GMDS: variants seen among roughly 807,000 people sequenced by gnomAD.
GMDS encodes GDP-mannose 4,6 dehydratase.
A neutral mutation model predicts 49.9 loss-of-function variants in GMDS; 20 were observed. The ratio of observed to expected loss-of-function variants is 0.40; its 90% CI spans 0.28 to 0.58. The LOEUF (loss-of-function observed/expected upper bound fraction) is 0.58. Ranked by LOEUF, GMDS falls within the 20% of genes least tolerant of loss-of-function variation. The pLI, the probability that GMDS is intolerant of heterozygous loss-of-function variation, is 0.42. For missense variants in GMDS, 362 were observed against 481.4 expected (o/e 0.75, Z 2.32); for synonymous variants, 177 against 178.6 (o/e 0.99, Z 0.07).
At chr6:2,147,574 T>C (rs1776625347) in intron 1 of GMDS, among the ~76,000 whole-genome samples, 1 of 151,960 alleles carries the variant, frequency 6.6e-6, no homozygotes, top group Non-Finnish European at 1.5e-5. Flanking sequence ...CGTTAAGACA[T>C]TGGAAACCTC....
At chr6:2,120,600 C>A (rs1206650157) in intron 2 of GMDS, among the ~76,000 whole-genome samples, 5 of 152,076 alleles carry the variant, frequency 3.3e-5, no homozygotes, top group Non-Finnish European at 7.4e-5. Context: ...TTCATATAGT[C>A]CCAGATTTTA....
intron 1 of GMDS, chr6:2,176,000 T>A: frequency 6.5e-7 from 1 of 1,534,812 alleles, no homozygotes; most frequent in East Asian, 2.4e-5. Context: ...CAAAACTGGA[T>A]CACACAAAAG....
intron 1 of GMDS, among the ~76,000 whole-genome samples, chr6:2,166,550 A>G (rs1243739779): frequency 1.3e-5 from 2 of 152,228 alleles, no homozygotes; most frequent in African/African-American, 4.8e-5. Flanking sequence ...TGAACCCTAG[A>G]ACCTTATTCA....
intron 7 of GMDS, among the ~76,000 whole-genome samples, chr6:1,745,529 C>T (rs73427306): frequency 0.012 from 1,878 of 152,232 alleles, 36 homozygotes; most frequent in East Asian, 0.055. Flanking sequence ...AACACCGGCC[C>T]GGGTCCCCTG....
rs978322024 is a variant in GMDS at position 2,065,863 on chromosome 6, A to G, written c.345+49908T>C. Among the ~76,000 whole-genome samples the G allele has an allele frequency of 1.4e-4, 22 of 152,318 alleles. No individual in the cohort carries two copies. In the South Asian group the frequency reaches 1.7e-3, roughly 11 times the overall value. ...AAACACTCTGCAGGATATTATCCAG[A>G]AGAACTTCCCCAATCTAGCAAGGCA... On this transcript the variant is annotated intron_variant, in intron 4 of 10. Coordinates refer to ENST00000380815, the MANE Select transcript of GMDS (RefSeq NM_001500.4).
chr6:1,685,010 T>TC (rs1266216581), intron 9 of GMDS, among the ~76,000 whole-genome samples: 24 of 111,566 alleles, frequency 2.2e-4, no homozygotes, highest in African/African-American at 4.4e-4. Context: ...GCTCCCTCTC[T>TC]CCCCCCCCTT....
intron 1 of GMDS, among the ~76,000 whole-genome samples, chr6:2,165,411 C>G (rs1473794046): frequency 2.6e-5 from 4 of 152,236 alleles, no homozygotes; most frequent in Non-Finnish European, 5.9e-5. Context: ...CATGTCCCAG[C>G]TCATGGATAT....
intron 4 of GMDS, among the ~76,000 whole-genome samples, chr6:2,054,013 T>C (rs1383225824): frequency 6.6e-6 from 1 of 152,094 alleles, no homozygotes; most frequent in Non-Finnish European, 1.5e-5. Flanking sequence ...ACATCAAATG[T>C]GCTCACTGAA....
intron 6 of GMDS, among the ~76,000 whole-genome samples, chr6:1,958,985 G>C (rs1763791773): frequency 6.6e-6 from 1 of 152,146 alleles, no homozygotes; most frequent in Non-Finnish European, 1.5e-5. Flanking sequence ...CTAGCACGTT[G>C]CTACAGTCTC....
chr6:1,754,977 C>T (rs1464997412), intron 7 of GMDS, among the ~76,000 whole-genome samples: 1 of 152,210 alleles, frequency 6.6e-6, no homozygotes, highest in East Asian at 1.9e-4. Context: ...TGGCACAAGA[C>T]AAGGATGCCC....
At chr6:2,204,649 G>C (rs907622944) in intron 1 of GMDS, among the ~76,000 whole-genome samples, 2 of 152,332 alleles carry the variant, frequency 1.3e-5, no homozygotes, top group Non-Finnish European at 1.5e-5. Context: ...CACGTGGCTA[G>C]AGGCTGTTAT....
chr6:1,730,554 G>C (rs898940685), intron 8 of GMDS, among the ~76,000 whole-genome samples: 3 of 152,126 alleles, frequency 2.0e-5, no homozygotes, highest in African/African-American at 2.4e-5. Flanking sequence ...AAGGTGGCTG[G>C]ACTGAAGGCT....
intron 4 of GMDS, among the ~76,000 whole-genome samples, chr6:2,066,943 C>G (rs1771641236): frequency 6.6e-6 from 1 of 151,992 alleles, no homozygotes; most frequent in Non-Finnish European, 1.5e-5. Context: ...CCCTCCACCC[C>G]AAATCAACAG....
chr6:1,729,022 A>G (rs1277311130), intron 8 of GMDS, among the ~76,000 whole-genome samples: 1 of 152,006 alleles, frequency 6.6e-6, no homozygotes, highest in Non-Finnish European at 1.5e-5. Flanking sequence ...CACAGGCTCC[A>G]GTTGCCCACT....
At chr6:1,849,570 T>A (rs1757561764) in intron 7 of GMDS, among the ~76,000 whole-genome samples, 1 of 152,232 alleles carries the variant, frequency 6.6e-6, no homozygotes, top group Admixed American at 6.5e-5. Flanking sequence ...GGCTTTTTAT[T>A]TGGGAATAAC....
intron 4 of GMDS, among the ~76,000 whole-genome samples, chr6:2,092,521 T>C (rs536689721): frequency 1.8e-4 from 27 of 152,352 alleles, no homozygotes; most frequent in Admixed American, 6.5e-4. Flanking sequence ...TTGGTAAATG[T>C]GTTGTGTCTG....
At chr6:1,794,492 G>A (rs1769663195) in intron 7 of GMDS, among the ~76,000 whole-genome samples, 1 of 152,200 alleles carries the variant, frequency 6.6e-6, no homozygotes, top group Non-Finnish European at 1.5e-5. Flanking sequence ...AATGTTCTAT[G>A]TCTAGGGACA....
chr6:2,175,950 C>T (rs1481797251), intron 1 of GMDS: 2 of 1,510,024 alleles, frequency 1.3e-6, no homozygotes, highest in Non-Finnish European at 1.8e-6. Context: ...ACATGAGGAA[C>T]CAGAGGCAAT....
At chr6:1,694,018 T>C (rs1765256870) in intron 9 of GMDS, among the ~76,000 whole-genome samples, 1 of 152,182 alleles carries the variant, frequency 6.6e-6, no homozygotes, top group Non-Finnish European at 1.5e-5. Context: ...GTTTCTCCAA[T>C]TCCAAAGACT....
Sources: allele counts gnomAD v4.1 joint callset (sites outside exome capture counted in the v4.1 genomes callset), GRCh38; gene constraint gnomAD v4.1.1; transcripts MANE v1.5; gene names NCBI Gene and HGNC (gene_info 2026-07-23, HGNC 2026-07-21).